Variants in GK3 observed in about 807,000 individuals in gnomAD.
GK3 encodes glycerol kinase 3 pseudogene.
At chr4:165,278,637 C>T in the GK3 span, 2 of 1,591,526 alleles carry the variant, frequency 1.3e-6, no homozygotes, top group Non-Finnish European at 1.7e-6. Context: ...TTTATAATTC[C>T]AAGATTGTCT....
At chr4:165,279,163 C>T in the GK3 span, 2 of 1,600,198 alleles carry the variant, frequency 1.2e-6, no homozygotes, top group Non-Finnish European at 1.7e-6. Flanking sequence ...GAACTTTTCT[C>T]ACATTGTCGA....
chr4:165,278,083 A>G, the GK3 span: 3 of 1,552,690 alleles, frequency 1.9e-6, no homozygotes, highest in Non-Finnish European at 2.7e-6. Context: ...TAGGGTCACC[A>G]CCTTCTGGAG....
chr4:165,278,499 G>T, the GK3 span: 1 of 1,598,404 alleles, frequency 6.3e-7, no homozygotes, highest in African/African-American at 1.3e-5. Flanking sequence ...AATTGAGTGA[G>T]TCCACAGATT....
the GK3 span, chr4:165,279,621 A>C: frequency 6.2e-7 from 1 of 1,611,648 alleles, no homozygotes; most frequent in East Asian, 2.2e-5. Flanking sequence ...AATGGCCCCA[A>C]AACTGCCTTC....
the GK3 span, chr4:165,278,561 G>A: frequency 3.7e-6 from 6 of 1,610,878 alleles, no homozygotes; most frequent in Non-Finnish European, 5.1e-6. Context: ...CGAAAATGCT[G>A]GGACGAAGTA....
At chr4:165,278,110 A>G in the GK3 span, 4 of 1,557,494 alleles carry the variant, frequency 2.6e-6, no homozygotes, top group East Asian at 9.0e-5. Flanking sequence ...TTGTAACCCA[A>G]CCCATTGACT....
chr4:165,278,674 T>C, the GK3 span: 1 of 1,601,388 alleles, frequency 6.2e-7, no homozygotes, highest in Non-Finnish European at 8.6e-7. Flanking sequence ...CAGCACCAGC[T>C]ATAGCTACAG....
At chr4:165,277,808 T>G in the GK3 span, 414 of 631,910 alleles carry the variant, frequency 6.6e-4, 1 homozygote, top group African/African-American at 5.8e-3. Context: ...ATAGCATTCT[T>G]TTTGCTGCAT....
At chr4:165,279,346 C>A in the GK3 span, 1 of 1,579,278 alleles carries the variant, frequency 6.3e-7, no homozygotes, top group Admixed American at 1.7e-5. Context: ...TTATCTTGTC[C>A]CAGACTACGG....
the GK3 span, chr4:165,279,342 T>A: frequency 5.7e-6 from 9 of 1,576,324 alleles, no homozygotes; most frequent in South Asian, 1.0e-4. Context: ...CCAGTTATCT[T>A]GTCCCAGACT....
chr4:165,279,490 C>T, the GK3 span: 54 of 1,577,886 alleles, frequency 3.4e-5, no homozygotes, highest in Non-Finnish European at 4.5e-5. Context: ...CCTGTTCCAC[C>T]CATCCTTCTC....
the GK3 span, chr4:165,277,867 G>A: frequency 1.3e-6 from 1 of 795,998 alleles, no homozygotes. Flanking sequence ...CGCAGCAAGT[G>A]GCTTATAAAT....
At chr4:165,278,473 A>G in the GK3 span, 2 of 1,578,418 alleles carry the variant, frequency 1.3e-6, no homozygotes, top group Non-Finnish European at 1.7e-6. Context: ...CAAAAGCAAT[A>G]TGGCATTTAT....
the GK3 span, chr4:165,279,274 C>G: frequency 6.5e-7 from 1 of 1,537,124 alleles, no homozygotes; most frequent in Admixed American, 1.7e-5. Flanking sequence ...TACTAAGACT[C>G]TCAACGGTAG....
the GK3 span, chr4:165,279,166 A>G: frequency 2.5e-6 from 4 of 1,598,348 alleles, no homozygotes; most frequent in African/African-American, 1.3e-5. Context: ...CTTTTCTCAC[A>G]TTGTCGAGGA....
At chr4:165,278,889 T>C in the GK3 span, 5 of 1,429,722 alleles carry the variant, frequency 3.5e-6, no homozygotes, top group Non-Finnish European at 4.9e-6. Context: ...CACCCAGATA[T>C]TGGCACACCT....
chr4:165,278,542 A>G, the GK3 span: 1 of 1,610,882 alleles, frequency 6.2e-7, no homozygotes, highest in South Asian at 1.1e-5. Flanking sequence ...AATAAGGTGC[A>G]TATAACCCCG....
chr4:165,277,905 C>T, the GK3 span: 17 of 852,724 alleles, frequency 2.0e-5, no homozygotes, highest in South Asian at 6.6e-5. Flanking sequence ...ATAGTGTCAT[C>T]GCATTAAGAG....
At chr4:165,278,150 C>T in the GK3 span, 15 of 1,489,780 alleles carry the variant, frequency 1.0e-5, no homozygotes, top group South Asian at 5.6e-5. Flanking sequence ...TGTAGAATAA[C>T]GAATTTCACT....
Sources: allele counts gnomAD v4.1 joint callset, GRCh38; gene constraint gnomAD v4.1.1; transcripts MANE v1.5; gene names NCBI Gene and HGNC (gene_info 2026-07-23, HGNC 2026-07-21).